RPH3A: variants seen among roughly 807,000 people sequenced by gnomAD.
The protein encoded by RPH3A is rabphilin-3A.
Under a neutral mutation model 102.2 loss-of-function variants are expected in RPH3A, and 48 were observed. The ratio of observed to expected loss-of-function variants is 0.47; its 90% CI spans 0.37 to 0.60. The LOEUF (loss-of-function observed/expected upper bound fraction) is 0.60, where lower values mean the gene tolerates loss of function less well. Ranked by LOEUF, RPH3A falls within the 20% of genes least tolerant of loss-of-function variation. RPH3A has a pLI of 0.00. For missense variants in RPH3A, 781 were observed against 910.1 expected, an observed-to-expected ratio of 0.86 and a Z score of 1.83; for synonymous variants, 310 against 324.3, an observed-to-expected ratio of 0.96 and a Z score of 0.47.
intron 1 of RPH3A, among the ~76,000 whole-genome samples, chr12:112,628,568 CAAAAAAAAAAAAAAAAA>C (rs771688201): frequency 1.1e-3 from 31 of 27,046 alleles, no homozygotes; most frequent in South Asian, 0.011. Context: ...GTCTTTACCA[CAAAAAAAAAAAAAAAAA>C]AAAAAAAAAA....
intron 2 of RPH3A, among the ~76,000 whole-genome samples, chr12:112,799,703 C>G (rs1649757444): frequency 6.6e-6 from 1 of 152,146 alleles, no homozygotes; most frequent in South Asian, 2.1e-4. Context: ...ACCCCTGTCC[C>G]TGACAAGACT....
chr12:112,813,935 T>G (rs2041626119), intron 2 of RPH3A, among the ~76,000 whole-genome samples: 1 of 149,906 alleles, frequency 6.7e-6, no homozygotes, highest in South Asian at 2.1e-4. Flanking sequence ...GAGGGTGTTG[T>G]GTTTGTATGA....
chr12:112,866,867 C>T, intron 7 of RPH3A, 27 bp downstream of exon 7: 1 of 1,565,840 alleles, frequency 6.4e-7, no homozygotes. Context: ...CACCTGGTGC[C>T]TAGATCACCC....
At chr12:112,576,035 C>T (rs903086273) in intron 1 of RPH3A, among the ~76,000 whole-genome samples, 2 of 152,222 alleles carry the variant, frequency 1.3e-5, no homozygotes, top group South Asian at 2.1e-4. Flanking sequence ...GTTTCAACTA[C>T]GCACCAGGCG....
intron 8 of RPH3A, 58 bp from the exon 9 acceptor site, chr12:112,869,701 C>A: frequency 6.5e-7 from 1 of 1,548,768 alleles, no homozygotes; most frequent in Non-Finnish European, 8.9e-7. Flanking sequence ...TCTTAAGTAC[C>A]GGTTTTCCAG....
At chr12:112,873,086 A>G (rs866007893) in intron 10 of RPH3A, among the ~76,000 whole-genome samples, 15 of 152,358 alleles carry the variant, frequency 9.8e-5, no homozygotes, top group Middle Eastern at 6.8e-3. Context: ...TTTCCAGCCT[A>G]TACTAAGATT....
intron 1 of RPH3A, among the ~76,000 whole-genome samples, chr12:112,665,062 T>A (rs2040075202): frequency 6.6e-6 from 1 of 152,178 alleles, no homozygotes; most frequent in South Asian, 2.1e-4. Flanking sequence ...AAGTCATAGT[T>A]GCCCACAGAG....
Position 112,583,174 on chromosome 12 carries a change from G to A in RPH3A, c.-140+7855G>A, listed in dbSNP as rs530183426. 2.0e-5 allele frequency among the ~76,000 whole-genome samples: 3 copies of A among 152,258 alleles called. No individual in the cohort carries two copies. In the South Asian group the frequency reaches 6.2e-4, roughly 32 times the overall value. Reference sequence around the variant, plus strand: ...TTAGGTATGACCTAATTTTCATTGAGTTCTTTTGTCTGCACGGCTAATAAC... The same window carrying A: ...TTAGGTATGACCTAATTTTCATTGAATTCTTTTGTCTGCACGGCTAATAAC... On this transcript the variant is annotated intron_variant, in intron 1 of 21. Coordinates refer to the RPH3A transcript ENST00000543106.
intron 1 of RPH3A, among the ~76,000 whole-genome samples, chr12:112,670,288 T>C (rs2136008856): frequency 6.6e-6 from 1 of 152,234 alleles, no homozygotes; most frequent in South Asian, 2.1e-4. Flanking sequence ...GTTCAAGTGA[T>C]TCTTGTGCCT....
chr12:112,658,973 C>T (rs2040032141), intron 1 of RPH3A, among the ~76,000 whole-genome samples: 1 of 152,206 alleles, frequency 6.6e-6, no homozygotes, highest in African/African-American at 2.4e-5. Context: ...GTGCTTAACA[C>T]TCATATCTCA....
chr12:112,650,091 A>G (rs981176116), intron 1 of RPH3A, among the ~76,000 whole-genome samples: 5 of 152,246 alleles, frequency 3.3e-5, no homozygotes, highest in Non-Finnish European at 7.3e-5. Flanking sequence ...TATATTAGGC[A>G]GCAAATGCAG....
chr12:112,840,657 G>A (rs1181009691), intron 4 of RPH3A, among the ~76,000 whole-genome samples: 1 of 152,178 alleles, frequency 6.6e-6, no homozygotes. Context: ...CCAGAGGCTT[G>A]CATAGGTTCA....
intron 1 of RPH3A, among the ~76,000 whole-genome samples, chr12:112,669,228 G>C (rs549857812): frequency 1.3e-5 from 2 of 152,258 alleles, no homozygotes; most frequent in South Asian, 4.1e-4. Flanking sequence ...AACTAGCAGT[G>C]GTCCTGAAAA....
intron 1 of RPH3A, among the ~76,000 whole-genome samples, chr12:112,649,108 A>G (rs1469082918): frequency 6.6e-6 from 1 of 152,236 alleles, no homozygotes; most frequent in Non-Finnish European, 1.5e-5. Context: ...CCAGCACGCC[A>G]GGCCCCTTTA....
rs3038114 is a variant in RPH3A at position 112,877,419 on chromosome 12, T to TACACACACACAC, written c.1171+582_1171+593dup. Among the ~76,000 whole-genome samples the TACACACACACAC allele has an allele frequency of 8.3e-3, 1,173 of 141,648 alleles. 8 individuals are homozygous for TACACACACACAC. Among genetic ancestry groups the TACACACACACAC allele is most frequent in the Middle Eastern group, 0.018 (5 of 282 alleles). The allele number at this position is 141,648 out of a possible 152,430, so 92.9% of individuals were successfully genotyped here. ...ACACACGTATACACACACACACGTATACACACACACACACACACACACACA... is the reference window on the plus strand; with the variant it reads ...ACACACGTATACACACACACACGTATACACACACACACACACACACACACACACACACACACA... On this transcript the variant is annotated intron_variant, in intron 13 of 21. Transcript: ENST00000389385.
intron 1 of RPH3A, among the ~76,000 whole-genome samples, chr12:112,754,495 GA>G (rs2040808315): frequency 6.6e-6 from 1 of 152,058 alleles, no homozygotes; most frequent in African/African-American, 2.4e-5. Context: ...TATATTCAAT[GA>G]AAAAAATAAG....
chr12:112,698,233 T>C (rs2040366828), intron 1 of RPH3A, among the ~76,000 whole-genome samples: 1 of 152,176 alleles, frequency 6.6e-6, no homozygotes, highest in Admixed American at 6.5e-5. Context: ...AACCCATATA[T>C]TACATCATAT....
At chr12:112,741,732 C>T (rs1054485036) in intron 1 of RPH3A, among the ~76,000 whole-genome samples, 1 of 152,192 alleles carries the variant, frequency 6.6e-6, no homozygotes, top group Non-Finnish European at 1.5e-5. Context: ...TGACACCCAT[C>T]TCTCTGGAAA....
intron 20 of RPH3A, 106 bp downstream of exon 20, chr12:112,894,765 G>T: frequency 1.1e-6 from 1 of 877,142 alleles, no homozygotes; most frequent in Non-Finnish European, 1.7e-6. Flanking sequence ...GCCATTAAAT[G>T]CAGCCATTTG....
Sources: gnomAD v4.1 joint callset for allele counts (sites outside exome capture counted in the v4.1 genomes callset) on GRCh38, gnomAD v4.1.1 for gene constraint, MANE v1.5 for transcripts, NCBI Gene and HGNC (gene_info 2026-07-23, HGNC 2026-07-21) for gene names.